GRM7: variants seen among roughly 807,000 people sequenced by gnomAD.
GRM7 encodes the protein glutamate metabotropic receptor 7.
In GRM7, 35 loss-of-function variants were observed where a neutral mutation model predicts 84.5. The observed-to-expected ratio is 0.41, with a 90% confidence interval of 0.32 to 0.55. The LOEUF is 0.55. Ranked by LOEUF, GRM7 falls within the 20% of genes least tolerant of loss-of-function variation. GRM7 has a pLI of 0.19. For synonymous variants in GRM7, 487 were observed against 455.1 expected, an observed-to-expected ratio of 1.07 and a Z score of -0.89; for missense variants, 1,003 against 1,194.6, an observed-to-expected ratio of 0.84 and a Z score of 2.36.
intron 8 of GRM7, among the ~76,000 whole-genome samples, chr3:7,610,691 CT>C (rs1696809944): frequency 6.6e-6 from 1 of 152,118 alleles, no homozygotes; most frequent in African/African-American, 2.4e-5. Context: ...GATTTTGTTT[CT>C]TATTTTCATG....
At chr3:7,334,441 A>G (rs1205086872) in intron 4 of GRM7, among the ~76,000 whole-genome samples, 1 of 151,640 alleles carries the variant, frequency 6.6e-6, no homozygotes, top group Non-Finnish European at 1.5e-5. Context: ...ATATACCAAA[A>G]TAGAATCCGC....
At chr3:6,954,773 T>C (rs1424535052) in intron 1 of GRM7, among the ~76,000 whole-genome samples, 3 of 152,238 alleles carry the variant, frequency 2.0e-5, no homozygotes, top group Non-Finnish European at 2.9e-5. Flanking sequence ...AGATAATATA[T>C]GTAAAGTACT....
At chr3:7,558,898 A>C (rs1041820466) in intron 7 of GRM7, among the ~76,000 whole-genome samples, 2 of 152,292 alleles carry the variant, frequency 1.3e-5, no homozygotes, top group East Asian at 3.9e-4. Flanking sequence ...ATTGTGTTCA[A>C]ATATGGCCAT....
At chr3:7,330,755 A>T (rs558038386) in intron 4 of GRM7, among the ~76,000 whole-genome samples, 28 of 152,268 alleles carry the variant, frequency 1.8e-4, no homozygotes, top group African/African-American at 6.7e-4. Context: ...CTTTTTCTTT[A>T]TAAATTACCC....
chr3:7,442,199 C>T (rs984137175), intron 5 of GRM7, among the ~76,000 whole-genome samples: 2 of 151,932 alleles, frequency 1.3e-5, no homozygotes, highest in African/African-American at 2.4e-5. Flanking sequence ...TTTCACCTCC[C>T]TGGTTAGCTA....
At chr3:7,529,689 C>G (rs138982371) in intron 7 of GRM7, among the ~76,000 whole-genome samples, 127 of 152,154 alleles carry the variant, frequency 8.3e-4, no homozygotes, top group African/African-American at 2.9e-3. Context: ...GGTTCATCAA[C>G]CTGCCTTAAG....
At position 7,330,105 on chromosome 3, in the gene GRM7, A is replaced by G. The variant is rs113739131; in HGVS notation, c.1033+23453A>G. Among the ~76,000 whole-genome samples the G allele has an allele frequency of 9.3e-3, 1,416 of 152,260 alleles. 24 individuals are homozygous for G. Among genetic ancestry groups the G allele is most frequent in the African/African-American group, 0.032 (1,323 of 41,570 alleles). On this transcript the variant is annotated intron_variant, in intron 4 of 9. Coordinates refer to ENST00000357716, the MANE Select transcript of GRM7 (RefSeq NM_000844.4). ...GGTTGAGGCATGGGGTATCCACTTC[A>G]AAAGATAGAAGGAATTCTCTCTAAA...
intron 8 of GRM7, among the ~76,000 whole-genome samples, chr3:7,614,394 A>G (rs1014245366): frequency 6.6e-6 from 1 of 152,206 alleles, no homozygotes; most frequent in Non-Finnish European, 1.5e-5. Flanking sequence ...AGTTTGGAGA[A>G]GAATGCACGT....
intron 2 of GRM7, among the ~76,000 whole-genome samples, chr3:7,199,981 G>A (rs927164353): frequency 6.6e-6 from 1 of 152,214 alleles, no homozygotes; most frequent in Non-Finnish European, 1.5e-5. Context: ...TACAGGCTGG[G>A]AAGTTCAAGT....
chr3:7,629,721 C>T (rs1697783293), intron 8 of GRM7, among the ~76,000 whole-genome samples: 1 of 152,146 alleles, frequency 6.6e-6, no homozygotes, highest in African/African-American at 2.4e-5. Context: ...CGTCTAAAAC[C>T]TAACACAGTG....
chr3:7,013,464 G>A (rs577394773), intron 1 of GRM7, among the ~76,000 whole-genome samples: 5 of 152,028 alleles, frequency 3.3e-5, no homozygotes, highest in South Asian at 2.1e-4. Flanking sequence ...TCTAAATGTC[G>A]GAGGCTCTCT....
chr3:7,521,855 T>A (rs1319237920), intron 7 of GRM7, among the ~76,000 whole-genome samples: 1 of 152,142 alleles, frequency 6.6e-6, no homozygotes, highest in East Asian at 1.9e-4. Flanking sequence ...CTTTTCTGCA[T>A]GCAAAATCAT....
chr3:7,102,173 A>C (rs1282142336), intron 1 of GRM7, among the ~76,000 whole-genome samples: 3 of 151,838 alleles, frequency 2.0e-5, no homozygotes, highest in African/African-American at 4.8e-5. Context: ...AGCCTAAAAA[A>C]GTGGTTTTAG....
rs1305796254 is a variant in GRM7, at chr3:7,386,064, A to AAAAAC, written c.1034-28942_1034-28938dup. On this transcript the variant is annotated intron_variant, in intron 4 of 9. Coordinates refer to ENST00000357716, the MANE Select transcript of GRM7 (RefSeq NM_000844.4). ...TACAATGGGCTTAAAGTATAAAGGA[A>AAAAAC]AAAACAAAACAAAACAAAACATGGA... Among the ~76,000 whole-genome samples the AAAAAC allele has an allele frequency of 6.6e-5, 10 of 152,340 alleles. No individual in the cohort carries two copies. In the East Asian group the frequency reaches 1.9e-3, roughly 29 times the overall value.
chr3:7,194,882 G>A (rs541605406), intron 2 of GRM7, among the ~76,000 whole-genome samples: 2 of 152,204 alleles, frequency 1.3e-5, no homozygotes, highest in African/African-American at 2.4e-5. Context: ...ACTGCTTTAC[G>A]AAATTGTCTT....
chr3:7,292,500 C>G (rs1397494007), intron 2 of GRM7, among the ~76,000 whole-genome samples: 2 of 152,072 alleles, frequency 1.3e-5, no homozygotes, highest in African/African-American at 4.8e-5. Flanking sequence ...CTCTGTTTTT[C>G]TCCTGACTCA....
intron 7 of GRM7, among the ~76,000 whole-genome samples, chr3:7,542,935 C>T (rs1168500296): frequency 6.6e-6 from 1 of 152,152 alleles, no homozygotes; most frequent in African/African-American, 2.4e-5. Flanking sequence ...TCTCCATCCT[C>T]CCACCCTCGC....
At chr3:7,358,976 G>T (rs1275975755) in intron 4 of GRM7, among the ~76,000 whole-genome samples, 1 of 126,528 alleles carries the variant, frequency 7.9e-6, no homozygotes, top group Non-Finnish European at 1.7e-5. Context: ...AAACTTACCT[G>T]GGCGAGGTGG....
At chr3:7,493,883 C>T (rs1455987308) in intron 7 of GRM7, among the ~76,000 whole-genome samples, 1 of 151,944 alleles carries the variant, frequency 6.6e-6, no homozygotes, top group African/African-American at 2.4e-5. Context: ...TGTACATGAC[C>T]TTTAATAGTC....
Sources: gnomAD v4.1 joint callset for allele counts (sites outside exome capture counted in the v4.1 genomes callset) on GRCh38, gnomAD v4.1.1 for gene constraint, MANE v1.5 for transcripts, NCBI Gene and HGNC (gene_info 2026-07-23, HGNC 2026-07-21) for gene names.